The following PTP4A1 variants were observed in gnomAD, a reference collection of about 807,000 sequenced individuals.
The protein encoded by PTP4A1 is protein tyrosine phosphatase 4A1, also known as protein tyrosine phosphatase type IVA 1.
Under a neutral mutation model 20.5 loss-of-function variants are expected in PTP4A1, and 9 were observed. The observed-to-expected ratio is 0.44, with a 90% confidence interval of 0.26 to 0.77. The LOEUF is 0.77. PTP4A1 is among the 30% of genes least tolerant of loss of function. The probability of loss-of-function intolerance (pLI) is 0.19; values close to 1 mark genes in which losing one functional copy is unlikely to be tolerated. For missense variants in PTP4A1, 137 were observed against 218.8 expected, an observed-to-expected ratio of 0.63 and a Z score of 2.36; for synonymous variants, 78 against 67.4, an observed-to-expected ratio of 1.16 and a Z score of -0.77.
intron 4 of PTP4A1, 68 bp downstream of exon 4, chr6:63,579,096 A>C: frequency 1.4e-6 from 2 of 1,436,428 alleles, no homozygotes; most frequent in Non-Finnish European, 1.8e-6. Flanking sequence ...AAACTTGAAA[A>C]ATTCTTATAA....
chr6:63,518,155 A>C (rs1008175190), upstream of PTP4A1, among the ~76,000 whole-genome samples: 67 of 120,582 alleles, frequency 5.6e-4, no homozygotes, highest in African/African-American at 2.9e-3. Flanking sequence ...CTCCGTCTCC[A>C]AAAAAAAAAA....
At chr6:63,539,280 T>C (rs1177264424) in intron 2 of PTP4A1, among the ~76,000 whole-genome samples, 1 of 152,092 alleles carries the variant, frequency 6.6e-6, no homozygotes, top group African/African-American at 2.4e-5. Context: ...AACAAAGAGA[T>C]AAAGAGTAAT....
At chr6:63,569,586 T>C (rs1777331722), upstream of PTP4A1, among the ~76,000 whole-genome samples, 1 of 152,232 alleles carries the variant, frequency 6.6e-6, no homozygotes, top group East Asian at 1.9e-4. Context: ...TATAATATTC[T>C]TCTAGTCTTA....
intron 2 of PTP4A1, among the ~76,000 whole-genome samples, chr6:63,577,247 C>A (rs953758321): frequency 6.6e-6 from 1 of 152,100 alleles, no homozygotes; most frequent in Non-Finnish European, 1.5e-5. Flanking sequence ...TCTTACTTAT[C>A]TTGTAAGAAA....
chr6:63,573,514 G>C (rs1777631203), intron 1 of PTP4A1: 1 of 152,198 alleles, frequency 6.6e-6, no homozygotes, highest in South Asian at 2.1e-4. Flanking sequence ...GGGGCGCAGC[G>C]GGCGTGCTCG....
upstream of PTP4A1, chr6:63,572,127 G>A (rs1487904926): frequency 6.6e-6 from 1 of 152,346 alleles, no homozygotes; most frequent in Non-Finnish European, 1.5e-5. Flanking sequence ...CATGTGACAT[G>A]TGTGCACTCC....
chr6:63,548,632 A>T, intron 2 of PTP4A1: 1 of 397,274 alleles, frequency 2.5e-6, no homozygotes, highest in Non-Finnish European at 4.7e-6. Flanking sequence ...TGTAAACACA[A>T]CCCTGATTTA....
At chr6:63,532,189 C>T (rs1035470016) in intron 2 of PTP4A1, among the ~76,000 whole-genome samples, 4 of 152,208 alleles carry the variant, frequency 2.6e-5, no homozygotes, top group Admixed American at 6.5e-5. Context: ...TCTTTCCTCT[C>T]ACATATATAA....
At chr6:63,521,488 TACATAAACAAC>T (rs1774923039), upstream of PTP4A1, among the ~76,000 whole-genome samples, 1 of 151,992 alleles carries the variant, frequency 6.6e-6, no homozygotes, top group African/African-American at 2.4e-5. Context: ...AAACAGAAAA[TACATAAACAAC>T]ACATGTAAAG....
intron 1 of PTP4A1, among the ~76,000 whole-genome samples, chr6:63,527,426 T>A (rs1268851610): frequency 6.6e-6 from 1 of 152,200 alleles, no homozygotes; most frequent in African/African-American, 2.4e-5. Flanking sequence ...AATAGTCATC[T>A]ACTATTTGAT....
At chr6:63,546,968 C>T (rs987933718) in intron 2 of PTP4A1, among the ~76,000 whole-genome samples, 2 of 152,140 alleles carry the variant, frequency 1.3e-5, no homozygotes, top group African/African-American at 4.8e-5. Flanking sequence ...GTCAATTACT[C>T]TTTAAACCTT....
intron 3 of PTP4A1, among the ~76,000 whole-genome samples, chr6:63,551,956 G>A (rs1027703771): frequency 5.9e-5 from 9 of 152,124 alleles, no homozygotes; most frequent in African/African-American, 1.9e-4. Flanking sequence ...TGGACATTTG[G>A]GTTGGTTCCA....
intron 2 of PTP4A1, among the ~76,000 whole-genome samples, chr6:63,545,376 G>A (rs1268351216): frequency 6.6e-6 from 1 of 152,180 alleles, no homozygotes; most frequent in African/African-American, 2.4e-5. Flanking sequence ...TTGGGAGGCG[G>A]AGGCAGATGG....
intron 3 of PTP4A1, among the ~76,000 whole-genome samples, chr6:63,550,712 C>A (rs1400360700): frequency 6.6e-6 from 1 of 151,910 alleles, no homozygotes; most frequent in Non-Finnish European, 1.5e-5. Context: ...GCAGGCTTCA[C>A]CTCCTGGGTT....
At chr6:63,525,382 G>A (rs1339808269) in intron 1 of PTP4A1, among the ~76,000 whole-genome samples, 1 of 152,182 alleles carries the variant, frequency 6.6e-6, no homozygotes, top group East Asian at 1.9e-4. Flanking sequence ...GAACAGACGG[G>A]AGGAAGGAGG....
intron 1 of PTP4A1, among the ~76,000 whole-genome samples, chr6:63,525,428 G>A (rs1775118676): frequency 6.6e-6 from 1 of 152,188 alleles, no homozygotes; most frequent in Non-Finnish European, 1.5e-5. Flanking sequence ...TGCTATTCTT[G>A]TCAGTATCAC....
chr6:63,580,991 A>T lies in PTP4A1; in HGVS notation c.*817A>T, dbSNP rs1359473758. The stretch of plus-strand genomic sequence containing the variant: ...AATGTTGCCTTTGTCTTGTGCAAAC[A>T]TGTAGAATATGCTCTTTAATTTAGT... On this transcript the variant is annotated 3_prime_UTR_variant, in exon 6 of 6. Coordinates refer to ENST00000626021, the MANE Select transcript of PTP4A1 (RefSeq NM_003463.5). 6.6e-6 allele frequency: 1 copy of T among 152,330 alleles called. No individual in the cohort carries two copies. Among genetic ancestry groups the T allele is most frequent in the Admixed American group, 6.5e-5 (1 of 15,270 alleles). 9.4% of individuals were successfully genotyped at this position (152,330 alleles called of 1,614,324 possible).
rs1778158182 is a variant in PTP4A1, at chr6:63,580,481, C to T, written c.*307C>T. On this transcript the variant is annotated 3_prime_UTR_variant, in exon 6 of 6. Coordinates refer to ENST00000626021, the MANE Select transcript of PTP4A1 (RefSeq NM_003463.5). ...TGACTTGTTAAATCTATTCCCATGCCAGAATCTTATCAATACATAAGAAAT... is the reference window on the plus strand; with the variant it reads ...TGACTTGTTAAATCTATTCCCATGCTAGAATCTTATCAATACATAAGAAAT... 1 of 227,350 alleles carries T rather than the reference C, an allele frequency of 4.4e-6. No homozygotes were observed. Among genetic ancestry groups the T allele is most frequent in the African/African-American group, 2.3e-5 (1 of 44,388 alleles). 14.1% of individuals were successfully genotyped at this position (227,350 alleles called of 1,614,324 possible).
chr6:63,572,869 T>G (rs1581945757), intron 1 of PTP4A1, 150 bp downstream of exon 1: 1 of 389,094 alleles, frequency 2.6e-6, no homozygotes, highest in East Asian at 3.7e-5. Flanking sequence ...GGGCGGGTTA[T>G]GGCCCTGTGG....
Sources: allele counts gnomAD v4.1 joint callset (sites outside exome capture counted in the v4.1 genomes callset), GRCh38; gene constraint gnomAD v4.1.1; transcripts MANE v1.5; gene names NCBI Gene and HGNC (gene_info 2026-07-23, HGNC 2026-07-21).